DHX38: variants seen among roughly 807,000 people sequenced by gnomAD.
The protein encoded by DHX38 is pre-mRNA-splicing factor ATP-dependent RNA helicase PRP16.
In DHX38, 100 loss-of-function variants were observed where a neutral mutation model predicts 153.1. That is an observed-to-expected ratio of 0.65 (90% CI 0.56 to 0.77). The LOEUF (loss-of-function observed/expected upper bound fraction) is 0.77, where lower values mean the gene tolerates loss of function less well. DHX38 is among the 30% of genes least tolerant of loss of function. The pLI is 0.00. For missense variants in DHX38, 1,440 were observed against 1,654.0 expected, an observed-to-expected ratio of 0.87 and a Z score of 2.24; for synonymous variants, 650 against 631.7, an observed-to-expected ratio of 1.03 and a Z score of -0.43.
In DHX38 at chr16:72,104,406, C is replaced by T. The variant is rs1023238363; in HGVS notation, c.2011-80C>T. The T allele has an allele frequency of 2.9e-5, 45 of 1,569,522 alleles. No homozygotes were observed. The highest frequency in any genetic ancestry group is 2.3e-4 in the Middle Eastern group (1 of 4,432). On this transcript the variant is annotated intron_variant, in intron 14 of 26. Coordinates refer to ENST00000268482, the MANE Select transcript of DHX38 (RefSeq NM_014003.4). The surrounding 1 kb of genome is among the most constrained non-coding windows in gnomAD (Gnocchi z 4.5). ...TTGTCAGCTTTGGCTTGTGTTTCCT[C>T]GGGGGTGGTGCTGATGGGACTGGGG...
At chr16:72,095,109 G>C (rs987949499) in intron 1 of DHX38, among the ~76,000 whole-genome samples, 3 of 152,206 alleles carry the variant, frequency 2.0e-5, no homozygotes, top group Non-Finnish European at 4.4e-5. Context: ...GGATTCTGGT[G>C]GCATCTCCTT....
chr16:72,094,906 A>T (rs187971804), intron 1 of DHX38, among the ~76,000 whole-genome samples: 83 of 152,366 alleles, frequency 5.4e-4, no homozygotes, highest in Admixed American at 4.7e-3. Flanking sequence ...TAGAGCCTGT[A>T]TATCTTTACC....
At position 72,099,804 on chromosome 16, in the gene DHX38, G is replaced by A. The variant is rs200708769; in HGVS notation, c.1033G>A (p.Glu345Lys). ...EFHNPLAYSS[E>K]DYVRRREQHL... ...CCACAACCCGCTGGCCTACTCCTCCGAGGACTACGTGAGGAGGCGGGAGCA... is the reference window on the plus strand; with the variant it reads ...CCACAACCCGCTGGCCTACTCCTCCAAGGACTACGTGAGGAGGCGGGAGCA... Residue 345 changes from glutamate to lysine, a missense_variant, in exon 8 of 27, where the codon GAG becomes AAG. Transcript: ENST00000268482. 29 of 1,614,002 alleles carry A rather than the reference G, an allele frequency of 1.8e-5. No individual in the cohort carries two copies. The highest frequency in any genetic ancestry group is 2.4e-5 in the Non-Finnish European group (28 of 1,180,016).
In DHX38 at chr16:72,105,068, C is replaced by A. The variant is rs1467461487; in HGVS notation, c.2193C>A (p.Ser731=). ...ACGTGGAGGCTGCAGTGAAGCAGTCCTTGCAGGTGCACCTGTCGGGGGCCC... is the reference window on the plus strand; with the variant it reads ...ACGTGGAGGCTGCAGTGAAGCAGTCATTGCAGGTGCACCTGTCGGGGGCCC... ...EDYVEAAVKQ[S]LQVHLSGAPG... is the part of the protein sequence containing the mutation. The change falls in exon 16 of 27, where the codon TCC becomes TCA. Residue 731 remains serine, a synonymous_variant. Coordinates refer to ENST00000268482, the MANE Select transcript of DHX38 (RefSeq NM_014003.4). 6.2e-7 allele frequency: 1 copy of A among 1,614,196 alleles called. No homozygotes were observed. Among genetic ancestry groups the A allele is most frequent in the Admixed American group, 1.7e-5 (1 of 60,024 alleles).
At chr16:72,111,109 T>G (rs1597450588) in intron 26 of DHX38, 32 bp downstream of exon 26, 1 of 1,532,794 alleles carries the variant, frequency 6.5e-7, no homozygotes, top group Non-Finnish European at 8.8e-7. Flanking sequence ...CTGGCTGGGG[T>G]GGCACCCATC....
At position 72,112,614 on chromosome 16, in the gene DHX38, C is replaced by T. The variant is rs190519624; in HGVS notation, c.*117C>T. ...TGAGGACTTTCATCTGTGCATATCA[C>T]GGCCCCCCAGGGCAGTTCCTGCTGG... On this transcript the variant is annotated 3_prime_UTR_variant, in exon 27 of 27. Transcript: ENST00000268482. 2.0e-5 allele frequency: 22 copies of T among 1,126,494 alleles called. 1 individual carries two copies. Among genetic ancestry groups the T allele is most frequent in the South Asian group, 3.9e-5 (3 of 77,290 alleles). 69.8% of individuals were successfully genotyped at this position (1,126,494 alleles called of 1,614,324 possible). A position where few individuals can be genotyped will look rare whatever the true frequency, so the allele number is the denominator to read the frequency against.
chr16:72,106,440 T>TTTTCTTTCTTTCTTTCTTTC (rs71153701), intron 19 of DHX38, among the ~76,000 whole-genome samples: 2 of 147,412 alleles, frequency 1.4e-5, no homozygotes, highest in African/African-American at 4.9e-5. Context: ...TCTTTCCCCA[T>TTTTCTTTCTTTCTTTCTTTC]TTTCTTTCTT....
chr16:72,097,382 A>G, intron 3 of DHX38: 1 of 441,118 alleles, frequency 2.3e-6, no homozygotes. Flanking sequence ...ATTAAGTTTT[A>G]TAGCTGATAG....
Position 72,107,741 on chromosome 16 carries a change from C to G in DHX38, c.2906C>G (p.Ser969Cys). ...GTGTCCTGTGACATGGGCTGCAGCT[C>G]CGAGATCCTGCTCATCGTTTCCATG... The part of the protein sequence containing the change: ...LIVSCDMGCS[S>C]EILLIVSMLS... The change falls in exon 21 of 27, where the codon TCC (serine) becomes TGC (cysteine). Residue 969 changes from serine to cysteine, a missense_variant. Physicochemically the swap from Ser to Cys is moderately radical, Grantham distance 112. This residue lies in a region of DHX38 where 543 missense variants were observed against 717.9 expected (regional missense o/e 0.76). Transcript: ENST00000268482. This position sits in a 1 kb window ranked among gnomAD's most constrained non-coding sequence, Gnocchi z 5.3. 6.2e-7 allele frequency: 1 copy of G among 1,614,076 alleles called. No homozygotes were observed. Among genetic ancestry groups the G allele is most frequent in the Non-Finnish European group, 8.5e-7 (1 of 1,180,016 alleles).
Position 72,107,673 on chromosome 16 carries a change from G to T in DHX38, c.2838G>T (p.Met946Ile), listed in dbSNP as rs2042198005. Reference sequence around the variant, plus strand: ...GTCTGACCTCTACCGGGCGGCTGATGGTGGAGTTCCCGCTGGACCCTGCCC... The same window carrying T: ...GTCTGACCTCTACCGGGCGGCTGATTGTGGAGTTCCCGCTGGACCCTGCCC... ...TGGLTSTGRL[M>I]VEFPLDPALS... Residue 946 changes from methionine to isoleucine, a missense_variant, in exon 21 of 27, where the codon ATG (methionine) becomes ATT (isoleucine). Coordinates refer to ENST00000268482, the MANE Select transcript of DHX38 (RefSeq NM_014003.4). The surrounding 1 kb of genome is among the most constrained non-coding windows in gnomAD (Gnocchi z 5.3). 1 of 1,614,162 alleles carries T rather than the reference G, an allele frequency of 6.2e-7. No individual in the cohort carries two copies. The highest frequency in any genetic ancestry group is 8.5e-7 in the Non-Finnish European group (1 of 1,180,038).
Position 72,104,041 on chromosome 16 carries a change from A to G in DHX38, c.1920A>G (p.Glu640=). 6.2e-7 allele frequency: 1 copy of G among 1,614,184 alleles called. No homozygotes were observed. Among genetic ancestry groups the G allele is most frequent in the Non-Finnish European group, 8.5e-7 (1 of 1,180,038 alleles). The change falls in exon 14 of 27, where the codon GAA becomes GAG. Residue 640 remains glutamate (E), a synonymous_variant. Transcript: ENST00000268482. The surrounding 1 kb of genome is among the most constrained non-coding windows in gnomAD (Gnocchi z 4.5). ...TCCTGCTCCGAGAGTCCCTCCGGGAAGCCGACCTGGATCACTACAGTGCCA... is the reference window on the plus strand; with the variant it reads ...TCCTGCTCCGAGAGTCCCTCCGGGAGGCCGACCTGGATCACTACAGTGCCA... ...DGILLRESLR[E]ADLDHYSAII...
At chr16:72,102,493 C>T (rs925202268) in intron 11 of DHX38, among the ~76,000 whole-genome samples, 5 of 152,202 alleles carry the variant, frequency 3.3e-5, no homozygotes, top group Middle Eastern at 3.4e-3. Context: ...CTCTGCATCT[C>T]GGGTGTGTAC....
At chr16:72,108,075 A>AT in intron 21 of DHX38, 152 bp from the exon 22 acceptor site, 1 of 1,000,082 alleles carries the variant, frequency 1.0e-6, no homozygotes, top group South Asian at 1.7e-5. Flanking sequence ...CTTTTTAAAA[A>AT]TTATTTTAAT....
Position 72,105,997 on chromosome 16 carries a change from C to T in DHX38, c.2488-8C>T. On this transcript the variant is annotated splice_polypyrimidine_tract_variant and splice_region_variant and intron_variant, in intron 18 of 26. Transcript: ENST00000268482. ...GTCCTTCGTCAGCTCTTTGCCGTCC[C>T]CTCCTAGGTCTTCAACCCCAGGATT... 1.2e-6 allele frequency: 2 copies of T among 1,612,810 alleles called. No homozygotes were observed. Among genetic ancestry groups the T allele is most frequent in the South Asian group, 1.1e-5 (1 of 91,048 alleles).
At chr16:72,106,586 T>C (rs890996654) in intron 19 of DHX38, among the ~76,000 whole-genome samples, 1 of 152,026 alleles carries the variant, frequency 6.6e-6, no homozygotes, top group Non-Finnish European at 1.5e-5. Context: ...GGGGCTGAGA[T>C]TGCAGGCAGG....
rs374362170 is a variant in DHX38, at chr16:72,107,334, C to T, written c.2601-6C>T. On this transcript the variant is annotated splice_polypyrimidine_tract_variant and splice_region_variant and intron_variant, in intron 19 of 26. Coordinates refer to ENST00000268482, the MANE Select transcript of DHX38 (RefSeq NM_014003.4). The surrounding 1 kb of genome is among the most constrained non-coding windows in gnomAD (Gnocchi z 5.3). ...TGGTGAGAAGATGGGGTCTTCTCCC[C>T]GGCAGGCTCTACACCCAGAGCGCCT... 129 of 1,602,664 alleles carry T rather than the reference C, an allele frequency of 8.0e-5. No homozygotes were observed. The highest frequency in any genetic ancestry group is 1.8e-4 in the Admixed American group (11 of 59,786).
rs772960219 is a variant in DHX38 at position 72,111,035 on chromosome 16, G to A, written c.3557G>A (p.Arg1186Gln). ...MALAEEQLRA[R>Q]RQEQEKRSPL... ...CTGGCCGAGGAGCAGCTGCGAGCCC[G>A]GCGGCAGGAGCAGGAGAAGCGCAGC... The change falls in exon 26 of 27, where the codon CGG becomes CAG. Residue 1186 changes from arginine to glutamine, a missense_variant. By Grantham distance (43) the Arg-to-Gln change is conservative (BLOSUM62 1). Transcript: ENST00000268482. 3.1e-5 allele frequency: 49 copies of A among 1,578,492 alleles called. No homozygotes were observed. The highest frequency in any genetic ancestry group is 4.0e-5 in the Non-Finnish European group (46 of 1,162,270).
intron 1 of DHX38, among the ~76,000 whole-genome samples, chr16:72,095,585 A>T (rs1226039148): frequency 1.3e-5 from 2 of 152,024 alleles, no homozygotes; most frequent in African/African-American, 4.8e-5. Context: ...ATAAAGAGCT[A>T]CTCTTTATGG....
At chr16:72,103,310 C>T in intron 12 of DHX38, 99 bp downstream of exon 12, 1 of 1,469,740 alleles carries the variant, frequency 6.8e-7, no homozygotes, top group South Asian at 1.3e-5. Flanking sequence ...GCATTGCACC[C>T]AGTGGAGAAG....
Sources: allele counts gnomAD v4.1 joint callset (sites outside exome capture counted in the v4.1 genomes callset), GRCh38; gene constraint gnomAD v4.1.1; regional missense constraint gnomAD v4.1.1; non-coding constraint Gnocchi (gnomAD v3.1); transcripts MANE v1.5; gene names NCBI Gene and HGNC (gene_info 2026-07-23, HGNC 2026-07-21).